The following FAN1 variants were observed in gnomAD, a reference collection of about 807,000 sequenced individuals.
FAN1 encodes the protein FANCD2 and FANCI associated nuclease 1.
A neutral mutation model predicts 104.9 loss-of-function variants in FAN1; 91 were observed. The ratio of observed to expected loss-of-function variants is 0.87; its 90% confidence interval spans 0.73 to 1.03. The LOEUF (loss-of-function observed/expected upper bound fraction) is 1.03, where lower values mean the gene tolerates loss of function less well. Among genes scored for constraint, FAN1 ranks in the 50% least tolerant of loss-of-function variants. FAN1 has a pLI of 0.00. For synonymous variants in FAN1, 478 were observed against 457.6 expected (o/e 1.04, Z -0.57); for missense variants, 1,263 against 1,239.9 (o/e 1.02, Z -0.28).
At chr15:30,908,300 G>A in intron 3 of FAN1, 42 bp downstream of exon 3, 1 of 1,516,198 alleles carries the variant, frequency 6.6e-7, no homozygotes, top group Non-Finnish European at 8.9e-7. Flanking sequence ...AATATGATCT[G>A]AAGAACTGAG....
chr15:30,940,935 TAAG>T, intron 14 of FAN1: 1 of 1,085,544 alleles, frequency 9.2e-7, no homozygotes, highest in African/African-American at 1.7e-5. Context: ...CACAGTGATC[TAAG>T]GTTCCAAAGA....
chr15:30,930,398 C>G, intron 12 of FAN1, 145 bp from the exon 13 acceptor site: 1 of 896,586 alleles, frequency 1.1e-6, no homozygotes, highest in Non-Finnish European at 1.6e-6. Context: ...CTGGTACAAG[C>G]AGCAGAACAG....
intron 14 of FAN1, among the ~76,000 whole-genome samples, chr15:30,937,854 A>C (rs1455367739): frequency 6.6e-6 from 1 of 152,090 alleles, no homozygotes; most frequent in Non-Finnish European, 1.5e-5. Context: ...GAAAACTCAA[A>C]AACAAGTGAT....
chr15:30,931,207 A>T (rs145161046), intron 13 of FAN1, among the ~76,000 whole-genome samples: 1 of 152,200 alleles, frequency 6.6e-6, no homozygotes, highest in East Asian at 1.9e-4. Flanking sequence ...ACCCACAAAA[A>T]ATTTTTTAAA....
At chr15:30,913,772 T>C (rs762479817) in intron 4 of FAN1, 86 bp from the exon 5 acceptor site, 15 of 903,172 alleles carry the variant, frequency 1.7e-5, no homozygotes, top group Admixed American at 2.6e-5. Flanking sequence ...GTCATTTCTC[T>C]TTATTTTAGA....
chr15:30,929,660 ATG>A (rs1427846989), intron 12 of FAN1, among the ~76,000 whole-genome samples: 7 of 72,214 alleles, frequency 9.7e-5, no homozygotes, highest in African/African-American at 3.3e-4. Context: ...AATATAATAT[ATG>A]AAATATATAA....
chr15:30,929,921 CATATATAATATATAAAATATATA>C (rs2062649321), intron 12 of FAN1, among the ~76,000 whole-genome samples: 1 of 87,336 alleles, frequency 1.1e-5, no homozygotes, highest in Non-Finnish European at 2.1e-5. Context: ...TAATATATAT[CATATATAATATATAAAATATATA>C]ATATAATATA....
chr15:30,942,322 C>T lies in FAN1; in HGVS notation c.*760C>T. Reference sequence around the variant, plus strand: ...GCGGGATGAGAGTACCTCCTATCCACTAATTTGCTTAAGGATAAGTTCTAA... The same window carrying T: ...GCGGGATGAGAGTACCTCCTATCCATTAATTTGCTTAAGGATAAGTTCTAA... On this transcript the variant is annotated 3_prime_UTR_variant, in exon 15 of 15. Coordinates refer to ENST00000362065, the MANE Select transcript of FAN1 (RefSeq NM_014967.5). The T allele has an allele frequency of 1.8e-6, 1 of 548,080 alleles. No homozygotes were observed. Among genetic ancestry groups the T allele is most frequent in the Non-Finnish European group, 3.2e-6 (1 of 311,642 alleles). The allele number at this position is 548,080 out of a possible 1,614,324, so 34.0% of individuals were successfully genotyped here. A position where few individuals can be genotyped will look rare whatever the true frequency, so the allele number is the denominator to read the frequency against.
At position 30,925,815 on chromosome 15, in the gene FAN1, A is replaced by C; in HGVS notation, c.2364A>C (p.Pro788=). 1 of 1,614,202 alleles carries C rather than the reference A, an allele frequency of 6.2e-7. No homozygotes were observed. Among genetic ancestry groups the C allele is most frequent in the African/African-American group, 1.3e-5 (1 of 75,082 alleles). Residue 788 remains proline (P), a synonymous_variant, in exon 10 of 15, where the codon CCA becomes CCC. Transcript: ENST00000362065. ...KHVTITGRLC[P]QRGMCKSVFV... ...TGACCATCACAGGCAGGCTGTGCCCACAGCGTGGGATGTGCAAGTCTGTGT... is the reference window on the plus strand; with the variant it reads ...TGACCATCACAGGCAGGCTGTGCCCCCAGCGTGGGATGTGCAAGTCTGTGT...
At chr15:30,936,156 C>T (rs1368601862) in intron 13 of FAN1, among the ~76,000 whole-genome samples, 3 of 151,920 alleles carry the variant, frequency 2.0e-5, no homozygotes, top group East Asian at 1.9e-4. Flanking sequence ...GTGTAGTGAA[C>T]AAAACACACA....
rs199532729 is a variant in FAN1, at chr15:30,925,921, C to T, written c.2470C>T (p.Arg824Cys). The T allele has an allele frequency of 6.4e-5, 104 of 1,614,214 alleles. No individual in the cohort carries two copies. Among genetic ancestry groups the T allele is most frequent in the African/African-American group, 3.9e-4 (29 of 75,066 alleles). Residue 824 changes from arginine to cysteine, a missense_variant, in exon 10 of 15, where the codon CGC becomes TGC. Physicochemically the swap from Arg to Cys is radical, Grantham distance 180. Around this residue, in one of 2 missense-constraint regions of FAN1, gnomAD observed 581 missense variants for 668.8 expected, o/e 0.87. Coordinates refer to ENST00000362065, the MANE Select transcript of FAN1 (RefSeq NM_014967.5). ...GGAGCTGGCACTGGCCCATTACAGA[C>T]GCAGCGGTTTTGACCAGGGTAACTG... is the stretch of plus-strand genomic sequence containing the variant. ...VEELALAHYR[R>C]SGFDQGIHGE...
chr15:30,925,380 T>C, intron 9 of FAN1, 89 bp downstream of exon 9: 1 of 1,251,532 alleles, frequency 8.0e-7, no homozygotes, highest in Non-Finnish European at 1.1e-6. Context: ...GTTTTGAGTG[T>C]GTGTTTTCTT....
intron 10 of FAN1, 102 bp from the exon 11 acceptor site, chr15:30,928,451 A>G: frequency 1.3e-6 from 2 of 1,520,676 alleles, no homozygotes; most frequent in Non-Finnish European, 1.8e-6. Flanking sequence ...TTTTCTTGAA[A>G]TTGAGTGTGC....
rs767118284 is a variant in FAN1 at position 30,925,174 on chromosome 15, G to A, written c.2220G>A (p.Thr740=). The A allele has an allele frequency of 6.2e-7, 1 of 1,613,978 alleles. No homozygotes were observed. The highest frequency in any genetic ancestry group is 1.1e-5 in the South Asian group (1 of 91,076). ...GGCTGGCGGATCCGGAAGTCAGAAC[G>A]GGACACCGCCTTTCACTGTATCAGC... is the stretch of plus-strand genomic sequence containing the variant. The part of the protein sequence containing the change: ...TEGLADPEVR[T]GHRLSLYQRA... Residue 740 remains threonine, a synonymous_variant, in exon 9 of 15, where the codon ACG becomes ACA. Coordinates refer to ENST00000362065, the MANE Select transcript of FAN1 (RefSeq NM_014967.5).
In FAN1 at chr15:30,942,045, T is replaced by C. The variant is rs370720123; in HGVS notation, c.*483T>C. The C allele has an allele frequency of 8.1e-6, 13 of 1,613,880 alleles. No homozygotes were observed. The highest frequency in any genetic ancestry group is 1.1e-5 in the Non-Finnish European group (13 of 1,179,862). ...ATTCCATTCTTTAAGGCAGACGGCATTCCTCTTAGTGTGGAGCTGTAGCTT... is the reference window on the plus strand; with the variant it reads ...ATTCCATTCTTTAAGGCAGACGGCACTCCTCTTAGTGTGGAGCTGTAGCTT... On this transcript the variant is annotated 3_prime_UTR_variant, in exon 15 of 15. Coordinates refer to ENST00000362065, the MANE Select transcript of FAN1 (RefSeq NM_014967.5).
chr15:30,907,781 AT>A (rs945662662), intron 2 of FAN1, among the ~76,000 whole-genome samples: 6 of 152,000 alleles, frequency 3.9e-5, no homozygotes, highest in Non-Finnish European at 7.4e-5. Context: ...GAAGCTAGAC[AT>A]TTTTTTTGGA....
chr15:30,909,087 C>A (rs920760032), intron 3 of FAN1, among the ~76,000 whole-genome samples: 1 of 151,338 alleles, frequency 6.6e-6, no homozygotes, highest in Non-Finnish European at 1.5e-5. Flanking sequence ...TGCAGTGATA[C>A]CCTTCGTTGT....
Position 30,905,286 on chromosome 15 carries a change from A to G in FAN1, c.623A>G (p.Asn208Ser), listed in dbSNP as rs2140896617. 1 of 1,614,072 alleles carries G rather than the reference A, an allele frequency of 6.2e-7. No homozygotes were observed. The change falls in exon 2 of 15, where the codon AAC (asparagine) becomes AGC (serine). Residue 208 changes from asparagine (N) to serine (S), a missense_variant. Around this residue, in one of 2 missense-constraint regions of FAN1, gnomAD observed 682 missense variants for 571.1 expected, o/e 1.19. Coordinates refer to ENST00000362065, the MANE Select transcript of FAN1 (RefSeq NM_014967.5). The part of the protein sequence containing the change: ...EIEDEDQILE[N>S]SSQKENVFKC... ...GAGGACGAGGATCAAATTTTGGAGA[A>G]CAGTTCTCAAAAAGAAAACGTGTTT... is the stretch of plus-strand genomic sequence containing the variant.
At chr15:30,938,230 G>C (rs901576508) in intron 14 of FAN1, among the ~76,000 whole-genome samples, 5 of 151,982 alleles carry the variant, frequency 3.3e-5, no homozygotes, top group African/African-American at 1.2e-4. Context: ...TTTCCTTCAA[G>C]TAATTAATTA....
Sources: gnomAD v4.1 joint callset for allele counts (sites outside exome capture counted in the v4.1 genomes callset) on GRCh38, gnomAD v4.1.1 for gene constraint, gnomAD v4.1.1 regional missense constraint, MANE v1.5 for transcripts, NCBI Gene and HGNC (gene_info 2026-07-23, HGNC 2026-07-21) for gene names.